Variants in FAM186A observed in about 807,000 individuals in gnomAD.
The protein encoded by FAM186A is family with sequence similarity 186 member A.
Under a neutral mutation model 216.8 loss-of-function variants are expected in FAM186A, and 163 were observed. The observed-to-expected ratio is 0.75, with a 90% confidence interval of 0.66 to 0.86. The LOEUF is 0.86. FAM186A is among the 40% of genes least tolerant of loss of function. The pLI is 0.00. For synonymous variants in FAM186A, 805 were observed against 1,025.3 expected (o/e 0.79, Z 4.10); for missense variants, 2,184 against 2,746.2 (o/e 0.80, Z 4.58).
chr12:50,342,211 C>T (rs1476819385), intron 4 of FAM186A, among the ~76,000 whole-genome samples: 1 of 151,278 alleles, frequency 6.6e-6, no homozygotes, highest in Non-Finnish European at 1.5e-5. Flanking sequence ...CAGGCTGATG[C>T]AAGAGAATTG....
intron 3 of FAM186A, among the ~76,000 whole-genome samples, chr12:50,359,589 A>G (rs964941420): frequency 4.3e-4 from 66 of 152,286 alleles, no homozygotes; most frequent in African/African-American, 1.6e-3. Flanking sequence ...CCCAAAAAAA[A>G]TGGGTAAATA....
At chr12:50,347,354 T>C (rs1405990328) in intron 4 of FAM186A, among the ~76,000 whole-genome samples, 1 of 152,148 alleles carries the variant, frequency 6.6e-6, no homozygotes, top group Non-Finnish European at 1.5e-5. Context: ...CAAACAGCAC[T>C]AATAAAGACC....
intron 1 of FAM186A, among the ~76,000 whole-genome samples, chr12:50,379,179 G>A (rs866692158): frequency 2.0e-5 from 3 of 151,986 alleles, no homozygotes; most frequent in Admixed American, 6.6e-5. Flanking sequence ...GGTGGCTCAC[G>A]CCTGTAATCC....
chr12:50,331,609 G>A, intron 6 of FAM186A, 61 bp downstream of exon 6: 2 of 1,439,694 alleles, frequency 1.4e-6, no homozygotes. Context: ...CTTGGGCAGG[G>A]AAAAAAAAAT....
intron 1 of FAM186A, among the ~76,000 whole-genome samples, chr12:50,373,060 A>AAAGAAAGAAAGG (rs1943163602): frequency 6.8e-6 from 1 of 147,020 alleles, no homozygotes; most frequent in African/African-American, 2.6e-5. Flanking sequence ...AGAAAGAAAG[A>AAAGAAAGAAAGG]AAGAAAGAAA....
intron 4 of FAM186A, among the ~76,000 whole-genome samples, chr12:50,334,456 C>T (rs1942688037): frequency 6.6e-6 from 1 of 151,670 alleles, no homozygotes; most frequent in African/African-American, 2.4e-5. Flanking sequence ...AGTCCTGAGC[C>T]ACTGAGCATG....
Position 50,353,551 on chromosome 12 carries a change from G to A in FAM186A, c.3281C>T (p.Ala1094Val), listed in dbSNP as rs1427866212. Reference sequence around the variant, plus strand: ...CTGAAGGGTGAGCGTGATCCCCTGAGCCTGGGCCTGCTGAGGAGTGAGTGT... The same window carrying A: ...CTGAAGGGTGAGCGTGATCCCCTGAACCTGGGCCTGCTGAGGAGTGAGTGT... The part of the protein sequence containing the change: ...GITLTPQQAQ[A>V]QGITLTLQQA... Residue 1094 changes from alanine (A) to valine (V), a missense_variant, in exon 4 of 8, where the codon GCT (alanine) becomes GTT (valine). Ala to Val is a moderately conservative substitution (Grantham distance 64, BLOSUM62 0). Coordinates refer to ENST00000327337, the MANE Select transcript of FAM186A (RefSeq NM_001145475.3). The A allele has an allele frequency of 3.3e-6, 5 of 1,531,886 alleles. No homozygotes were observed. The African/African-American group carries it at 6.9e-5, about 21-fold the overall frequency. 94.9% of individuals were successfully genotyped at this position (1,531,886 alleles called of 1,614,324 possible). A position where few individuals can be genotyped will look rare whatever the true frequency, so the allele number is the denominator to read the frequency against.
At chr12:50,360,686 A>AC in intron 3 of FAM186A, 70 bp downstream of exon 3, 1 of 1,395,532 alleles carries the variant, frequency 7.2e-7, no homozygotes, top group Non-Finnish European at 9.5e-7. Context: ...CTGAAAAAAA[A>AC]AAAAGTTGTT....
chr12:50,372,044 T>A (rs1410034122), intron 1 of FAM186A, among the ~76,000 whole-genome samples: 1 of 151,954 alleles, frequency 6.6e-6, no homozygotes, highest in East Asian at 1.9e-4. Flanking sequence ...ACTCCTAACC[T>A]CAGGTGATCC....
chr12:50,370,692 T>C (rs1320968115), intron 1 of FAM186A, among the ~76,000 whole-genome samples: 1 of 152,152 alleles, frequency 6.6e-6, no homozygotes, highest in Non-Finnish European at 1.5e-5. Flanking sequence ...AAGAAATATT[T>C]GTACACTCAT....
chr12:50,395,376 G>T (rs773751998), intron 1 of FAM186A, among the ~76,000 whole-genome samples: 3 of 151,972 alleles, frequency 2.0e-5, no homozygotes, highest in Non-Finnish European at 4.4e-5. Flanking sequence ...GGCATGAATC[G>T]CTGTGCCTGG....
chr12:50,377,942 C>A (rs1036212776), intron 1 of FAM186A, among the ~76,000 whole-genome samples: 3 of 151,600 alleles, frequency 2.0e-5, no homozygotes, highest in Non-Finnish European at 4.4e-5. Flanking sequence ...AATGAAAAGT[C>A]GGCGAGGCGA....
chr12:50,337,669 G>A (rs1041863923), intron 4 of FAM186A, among the ~76,000 whole-genome samples: 4 of 151,656 alleles, frequency 2.6e-5, no homozygotes, highest in East Asian at 2.0e-4. Context: ...AGGCTGAGGC[G>A]GGCGGATCAC....
chr12:50,364,838 G>A (rs1226093244), intron 1 of FAM186A, among the ~76,000 whole-genome samples: 1 of 151,762 alleles, frequency 6.6e-6, no homozygotes, highest in South Asian at 2.1e-4. Context: ...AGGAGTTCGA[G>A]ACCAGCCTGG....
In FAM186A at chr12:50,353,843, C is replaced by T; in HGVS notation, c.2989G>A (p.Glu997Lys). Residue 997 changes from glutamate to lysine, a missense_variant, in exon 4 of 8, where the codon GAG becomes AAG. This residue lies in a region of FAM186A where 1,132 missense variants were observed against 1,263.4 expected (regional missense o/e 0.90). Coordinates refer to ENST00000327337, the MANE Select transcript of FAM186A (RefSeq NM_001145475.3). ...GTTTGGATGACCATTTTTTCTAGCT[C>T]TTTAGGTTGTGTTTCCTTCATCTGC... Reference protein sequence around the residue: ...QMQMKETQPKELEKMVIQTPM... With the variant: ...QMQMKETQPKKLEKMVIQTPM... 1 of 1,551,612 alleles carries T rather than the reference C, an allele frequency of 6.4e-7. No homozygotes were observed. The highest frequency in any genetic ancestry group is 1.7e-4 in the Middle Eastern group (1 of 5,992).
rs1231142923 is a variant in FAM186A, at chr12:50,355,901, T to G, written c.931A>C (p.Asn311His). 3.9e-6 allele frequency: 6 copies of G among 1,551,418 alleles called. No homozygotes were observed. Among genetic ancestry groups the G allele is most frequent in the Non-Finnish European group, 5.2e-6 (6 of 1,146,982 alleles). The part of the protein sequence containing the change: ...LSLKIIRDLS[N>H]ENEMLQQKLQ... The stretch of plus-strand genomic sequence containing the variant: ...TTCTGCTGAAGCATTTCATTTTCGT[T>G]ACTGAGATCTCGTATTATCTTCAGA... Residue 311 changes from asparagine to histidine, a missense_variant, in exon 4 of 8, where the codon AAC (asparagine) becomes CAC (histidine). This residue lies in a region of FAM186A where 1,132 missense variants were observed against 1,263.4 expected (regional missense o/e 0.90). Coordinates refer to ENST00000327337, the MANE Select transcript of FAM186A (RefSeq NM_001145475.3).
At chr12:50,345,997 CA>C (rs35925338) in intron 4 of FAM186A, among the ~76,000 whole-genome samples, 43,477 of 120,664 alleles carry the variant, frequency 0.36, 7,405 homozygotes, top group South Asian at 0.51. Flanking sequence ...GACTTTGCCT[CA>C]AAAAAAAAAA....
chr12:50,341,330 C>T (rs1942760824), intron 4 of FAM186A, among the ~76,000 whole-genome samples: 1 of 152,028 alleles, frequency 6.6e-6, no homozygotes, highest in Non-Finnish European at 1.5e-5. Context: ...AATTTTTAAT[C>T]TTTCAGTATT....
intron 4 of FAM186A, among the ~76,000 whole-genome samples, chr12:50,341,636 A>G (rs1285647690): frequency 6.6e-6 from 1 of 152,108 alleles, no homozygotes; most frequent in African/African-American, 2.4e-5. Context: ...GGAGTTCGAG[A>G]CCAACCTGGC....
Sources: gnomAD v4.1 joint callset for allele counts (sites outside exome capture counted in the v4.1 genomes callset) on GRCh38, gnomAD v4.1.1 for gene constraint, gnomAD v4.1.1 regional missense constraint, MANE v1.5 for transcripts, NCBI Gene and HGNC (gene_info 2026-07-23, HGNC 2026-07-21) for gene names.